The following ADGRG1 variants were observed in gnomAD, a reference collection of about 807,000 sequenced individuals.
ADGRG1 encodes 7-transmembrane protein with no EGF-like N-terminal domains-1.
ADGRG1 carries 53 observed loss-of-function variants against 73.5 expected under a neutral mutation model. The ratio of observed to expected loss-of-function variants is 0.72; its 90% CI spans 0.58 to 0.91. ADGRG1 has a LOEUF of 0.91. Ranked by LOEUF, ADGRG1 falls within the 40% of genes least tolerant of loss-of-function variation. ADGRG1 has a pLI of 0.00. For missense variants in ADGRG1, 795 were observed against 871.8 expected, an observed-to-expected ratio of 0.91 and a Z score of 1.11; for synonymous variants, 394 against 374.4, an observed-to-expected ratio of 1.05 and a Z score of -0.60.
chr16:57,656,376 G>A (rs1256951122), intron 8 of ADGRG1, 105 bp downstream of exon 8: 1 of 1,610,938 alleles, frequency 6.2e-7, no homozygotes, highest in East Asian at 2.2e-5. Context: ...CTGGAGAAAG[G>A]AGGACTTTGA....
At chr16:57,646,436 G>T (rs2042659388) in intron 1 of ADGRG1, 46 of 985,442 alleles carry the variant, frequency 4.7e-5, no homozygotes, top group Non-Finnish European at 5.4e-5. Flanking sequence ...GGAACCCCAT[G>T]ATGTGGCCCC....
At chr16:57,653,754 T>C in intron 4 of ADGRG1, 1 of 949,162 alleles carries the variant, frequency 1.1e-6, no homozygotes, top group Non-Finnish European at 1.3e-6. Context: ...GGTCCTGGCC[T>C]CCTCTGTCTG....
chr16:57,626,584 G>A, upstream of ADGRG1: 1 of 985,434 alleles, frequency 1.0e-6, no homozygotes, highest in South Asian at 4.7e-5. Context: ...CGCCCAGCCA[G>A]GCAGCCCCAT....
chr16:57,637,996 T>C (rs1366344578), intron 1 of ADGRG1, among the ~76,000 whole-genome samples: 4 of 152,230 alleles, frequency 2.6e-5, no homozygotes, highest in African/African-American at 9.6e-5. Context: ...CGGTGGGGGT[T>C]CTAACCCCTG....
At chr16:57,629,200 T>C (rs1075670) in intron 1 of ADGRG1, 72,348 of 982,334 alleles carry the variant, frequency 0.074, 2,781 homozygotes, top group East Asian at 0.15. Flanking sequence ...TGGGATCTAG[T>C]CCAGGTCAGC....
upstream of ADGRG1, among the ~76,000 whole-genome samples, chr16:57,626,062 G>A (rs1353040872): frequency 1.3e-5 from 2 of 152,196 alleles, no homozygotes; most frequent in African/African-American, 4.8e-5. Flanking sequence ...AGTGGGGATA[G>A]ACTGTTGTGA....
At chr16:57,632,795 G>T (rs16958457) in intron 1 of ADGRG1, 1 of 985,024 alleles carries the variant, frequency 1.0e-6, no homozygotes, top group East Asian at 1.1e-4. Flanking sequence ...TCCGGGCACC[G>T]GTGGACAGGC....
intron 1 of ADGRG1, chr16:57,647,520 A>G (rs1481377931): frequency 1.3e-6 from 1 of 793,678 alleles, no homozygotes; most frequent in South Asian, 5.7e-5. Context: ...AATTCTCACA[A>G]TGACCTTTGA....
intron 5 of ADGRG1, 82 bp from the exon 6 acceptor site, chr16:57,655,317 G>A: frequency 6.5e-7 from 1 of 1,542,018 alleles, no homozygotes; most frequent in Non-Finnish European, 8.7e-7. Context: ...AGGAACGGAT[G>A]GGTGTGTGTG....
intron 1 of ADGRG1, chr16:57,643,877 A>G (rs3785328): frequency 0.12 from 47,454 of 399,762 alleles, 1,543 homozygotes; most frequent in East Asian, 0.39. Flanking sequence ...CCCAGGACCC[A>G]TGGGTGCGGC....
chr16:57,654,180 C>A (rs768235614), intron 5 of ADGRG1, 47 bp downstream of exon 5: 65 of 1,582,906 alleles, frequency 4.1e-5, no homozygotes, highest in Non-Finnish European at 5.4e-5. Context: ...TGGGCCGGGG[C>A]CAGATGGAGG....
chr16:57,659,237 C>T (rs1181558665), intron 10 of ADGRG1, 176 bp from the exon 11 acceptor site: 1 of 984,650 alleles, frequency 1.0e-6, no homozygotes, highest in East Asian at 1.1e-4. Flanking sequence ...AGTAGGTGCA[C>T]AGGGGGATGT....
At chr16:57,630,861 T>C (rs2037655369) in intron 1 of ADGRG1, 1 of 734,798 alleles carries the variant, frequency 1.4e-6, no homozygotes. Flanking sequence ...AGGAAAACAT[T>C]TGGGGAACGA....
At chr16:57,657,712 A>G (rs567398610) in intron 10 of ADGRG1, among the ~76,000 whole-genome samples, 2 of 152,004 alleles carry the variant, frequency 1.3e-5, no homozygotes, top group African/African-American at 4.8e-5. Context: ...AGCTGTCGAC[A>G]TTGTATTTAT....
intron 3 of ADGRG1, among the ~76,000 whole-genome samples, chr16:57,652,448 G>A (rs1260487793): frequency 2.0e-5 from 3 of 152,160 alleles, no homozygotes; most frequent in African/African-American, 4.8e-5. Context: ...GCCCAGGCCC[G>A]TCAGTGGTGG....
At chr16:57,635,534 C>A in intron 1 of ADGRG1, 2 of 985,340 alleles carry the variant, frequency 2.0e-6, no homozygotes, top group Non-Finnish European at 2.4e-6. Flanking sequence ...TGTCTACCTA[C>A]CTGGGTTTGG....
At chr16:57,651,884 G>A in intron 3 of ADGRG1, 1 of 1,415,872 alleles carries the variant, frequency 7.1e-7, no homozygotes, top group Non-Finnish European at 9.2e-7. Context: ...GGAAGGGCAA[G>A]GGCCCGTCCT....
In ADGRG1 at chr16:57,655,547, C is replaced by G. The variant is rs760357717; in HGVS notation, c.900+17C>G. ...CTGTTCCAGGTATGGGGTCCTCACC[C>G]TCATGCCTCCCAGGAGAAAGCAGTT... On this transcript the variant is annotated intron_variant, in intron 6 of 13. Transcript: ENST00000562631. 3 of 1,613,480 alleles carry G rather than the reference C, an allele frequency of 1.9e-6. No homozygotes were observed. Among genetic ancestry groups the G allele is most frequent in the South Asian group, 2.2e-5 (2 of 91,082 alleles).
chr16:57,634,036 C>A, intron 1 of ADGRG1: 3 of 983,340 alleles, frequency 3.1e-6, no homozygotes, highest in Non-Finnish European at 2.4e-6. Flanking sequence ...AACCGCCGAC[C>A]TTTCAAAGGA....
Sources: gnomAD v4.1 joint callset for allele counts (sites outside exome capture counted in the v4.1 genomes callset) on GRCh38, gnomAD v4.1.1 for gene constraint, MANE v1.5 for transcripts, NCBI Gene and HGNC (gene_info 2026-07-23, HGNC 2026-07-21) for gene names.